Variants in SH3RF3 observed in about 807,000 individuals in gnomAD.
The protein encoded by SH3RF3 is E3 ubiquitin-protein ligase SH3RF3.
Under a neutral mutation model 66.3 loss-of-function variants are expected in SH3RF3, and 29 were observed. The ratio of observed to expected loss-of-function variants is 0.44; its 90% CI spans 0.33 to 0.60. SH3RF3 has a LOEUF of 0.60. Among genes scored for constraint, SH3RF3 ranks in the 20% least tolerant of loss-of-function variants. SH3RF3 has a pLI of 0.04. For synonymous variants in SH3RF3, 583 were observed against 532.0 expected (o/e 1.10, Z -1.32); for missense variants, 1,194 against 1,190.9 (o/e 1.00, Z -0.04).
Position 109,129,352 on chromosome 2 carries a change from TCCCCGC to T in SH3RF3, c.-187_-182del. ...GGCCGGTCCCCGCCACGCAGGCCGGTCCCCGCCACGCAGGCCGGTCGGTGAGCCACT... is the reference window on the plus strand; with the variant it reads ...GGCCGGTCCCCGCCACGCAGGCCGGTCACGCAGGCCGGTCGGTGAGCCACT... On this transcript the variant is annotated 5_prime_UTR_variant, in exon 1 of 10. Transcript: ENST00000309415. 1 of 871,222 alleles carries T rather than the reference TCCCCGC, an allele frequency of 1.1e-6. No homozygotes were observed. Among genetic ancestry groups the T allele is most frequent in the Non-Finnish European group, 1.8e-6 (1 of 568,836 alleles). The allele number at this position is 871,222 out of a possible 1,614,324, so 54.0% of individuals were successfully genotyped here.
Position 109,395,580 on chromosome 2 carries a change from C to T in SH3RF3, c.946-3010C>T, listed in dbSNP as rs528734945. 2.6e-5 allele frequency among the ~76,000 whole-genome samples: 4 copies of T among 152,314 alleles called. No homozygotes were observed. The South Asian group carries it at 6.2e-4, about 24-fold the overall frequency. ...AGCTTTTTGCCTTCACTTTCAGCAC[C>T]GGCCTTCGGCTGGGGTTGCTAAGGC... On this transcript the variant is annotated intron_variant, in intron 3 of 9. Coordinates refer to ENST00000309415, the MANE Select transcript of SH3RF3 (RefSeq NM_001099289.3).
chr2:109,431,052 C>A (rs1677197900), intron 5 of SH3RF3, among the ~76,000 whole-genome samples: 1 of 152,238 alleles, frequency 6.6e-6, no homozygotes, highest in African/African-American at 2.4e-5. Context: ...CAAGGTTCTC[C>A]TGCTATTCCA....
intron 1 of SH3RF3, among the ~76,000 whole-genome samples, chr2:109,241,692 G>T (rs1679787490): frequency 1.3e-5 from 2 of 151,986 alleles, no homozygotes; most frequent in African/African-American, 4.8e-5. Context: ...CCCAGTCCCT[G>T]CAGTCCCTCT....
intron 3 of SH3RF3, among the ~76,000 whole-genome samples, chr2:109,374,243 C>G (rs1046668059): frequency 2.0e-5 from 3 of 152,242 alleles, no homozygotes; most frequent in African/African-American, 7.2e-5. Context: ...GCAGGGGGCC[C>G]CACTGCCCCT....
At chr2:109,290,280 C>T (rs1210094815) in intron 1 of SH3RF3, among the ~76,000 whole-genome samples, 1 of 152,228 alleles carries the variant, frequency 6.6e-6, no homozygotes, top group Non-Finnish European at 1.5e-5. Context: ...GAAGTGAGAA[C>T]TTCTCTTTCT....
At chr2:109,217,873 C>G (rs1679136271) in intron 1 of SH3RF3, among the ~76,000 whole-genome samples, 1 of 152,160 alleles carries the variant, frequency 6.6e-6, no homozygotes, top group Admixed American at 6.5e-5. Context: ...TACAGGGGAT[C>G]TCTGTTGTGG....
intron 1 of SH3RF3, among the ~76,000 whole-genome samples, chr2:109,285,534 G>A (rs752564825): frequency 1.3e-5 from 2 of 152,186 alleles, no homozygotes; most frequent in African/African-American, 4.8e-5. Flanking sequence ...CAGGGCAATC[G>A]CTTGCCTGGC....
intron 7 of SH3RF3, among the ~76,000 whole-genome samples, chr2:109,447,076 G>A (rs1294023484): frequency 7.0e-6 from 1 of 143,632 alleles, no homozygotes; most frequent in Non-Finnish European, 1.5e-5. Context: ...TGCTCTCCTT[G>A]TAAATGTGGA....
chr2:109,401,125 C>T (rs969964120), intron 4 of SH3RF3, among the ~76,000 whole-genome samples: 2 of 152,170 alleles, frequency 1.3e-5, no homozygotes, highest in Admixed American at 6.5e-5. Context: ...TCCTTGACAC[C>T]GGGCAGGTTG....
At chr2:109,172,315 C>A (rs1280243707) in intron 1 of SH3RF3, among the ~76,000 whole-genome samples, 1 of 152,238 alleles carries the variant, frequency 6.6e-6, no homozygotes, top group Non-Finnish European at 1.5e-5. Context: ...AAGGACCTTG[C>A]AAACAGCGTG....
chr2:109,390,809 G>T (rs1675969231), intron 3 of SH3RF3, among the ~76,000 whole-genome samples: 1 of 152,204 alleles, frequency 6.6e-6, no homozygotes, highest in Non-Finnish European at 1.5e-5. Flanking sequence ...CCCACTATGA[G>T]ATGAGCCTGG....
At position 109,398,932 on chromosome 2, in the gene SH3RF3, G is replaced by A; in HGVS notation, c.1288G>A (p.Ala430Thr). 1 of 1,611,366 alleles carries A rather than the reference G, an allele frequency of 6.2e-7. No homozygotes were observed. Residue 430 changes from alanine (A) to threonine (T), a missense_variant, in exon 4 of 10, where the codon GCT becomes ACT. Coordinates refer to ENST00000309415, the MANE Select transcript of SH3RF3 (RefSeq NM_001099289.3). ...IGDLAHLSCAAPTQDVSSSAG... is the reference protein window; with the variant it reads ...IGDLAHLSCATPTQDVSSSAG... ...AGACCTTGCTCATCTGTCGTGCGCT[G>A]CTCCCACCCAGGTAACATCCCGCGG...
chr2:109,320,966 G>C (rs1159389082), intron 1 of SH3RF3, among the ~76,000 whole-genome samples: 2 of 152,184 alleles, frequency 1.3e-5, no homozygotes, highest in Admixed American at 6.5e-5. Flanking sequence ...AGGGTTTTAG[G>C]ATATGGATTA....
chr2:109,220,270 T>C (rs1679200088), intron 1 of SH3RF3, among the ~76,000 whole-genome samples: 1 of 152,202 alleles, frequency 6.6e-6, no homozygotes. Context: ...TCTAGAAAAT[T>C]AACTCAAAAT....
chr2:109,431,662 A>G (rs1559080369), intron 5 of SH3RF3, among the ~76,000 whole-genome samples: 1 of 152,208 alleles, frequency 6.6e-6, no homozygotes, highest in Non-Finnish European at 1.5e-5. Context: ...GCTTGAGACT[A>G]GGAGCTCAAG....
At chr2:109,303,242 A>G (rs190113866) in intron 1 of SH3RF3, among the ~76,000 whole-genome samples, 87 of 152,328 alleles carry the variant, frequency 5.7e-4, no homozygotes, top group African/African-American at 2.0e-3. Context: ...TGGCCCCAAC[A>G]GGATCTGAGG....
At chr2:109,400,107 A>G (rs148020563) in intron 4 of SH3RF3, among the ~76,000 whole-genome samples, 2 of 152,358 alleles carry the variant, frequency 1.3e-5, no homozygotes, top group African/African-American at 4.8e-5. Flanking sequence ...CAATGAACTC[A>G]GACAACTTTA....
intron 1 of SH3RF3, among the ~76,000 whole-genome samples, chr2:109,156,304 C>G (rs1256226249): frequency 6.6e-6 from 1 of 152,216 alleles, no homozygotes; most frequent in East Asian, 1.9e-4. Context: ...AGTGTTTTCT[C>G]CGCCCCTCGC....
chr2:109,275,817 C>T (rs905595059), intron 1 of SH3RF3, among the ~76,000 whole-genome samples: 3 of 152,148 alleles, frequency 2.0e-5, no homozygotes, highest in Non-Finnish European at 2.9e-5. Flanking sequence ...CTGAAGCGTT[C>T]GCGGGGAGCT....
Sources: gnomAD v4.1 joint callset for allele counts (sites outside exome capture counted in the v4.1 genomes callset) on GRCh38, gnomAD v4.1.1 for gene constraint, MANE v1.5 for transcripts, NCBI Gene and HGNC (gene_info 2026-07-23, HGNC 2026-07-21) for gene names.